Variants in HMHB1 observed in about 807,000 individuals in gnomAD.
HMHB1 encodes the protein histocompatibility minor HB-1.
Under a neutral mutation model 2.4 loss-of-function variants are expected in HMHB1, and 4 were observed. The observed-to-expected ratio is 1.65, with a 90% CI of 0.81 to 3.77. The LOEUF is 3.77. Among genes scored for constraint, HMHB1 ranks in the 30% most tolerant of loss-of-function variants. The probability of loss-of-function intolerance (pLI) is 0.01; values close to 1 mark genes in which losing one functional copy is unlikely to be tolerated. For missense variants in HMHB1, 57 were observed against 44.2 expected, an observed-to-expected ratio of 1.29 and a Z score of -0.82; for synonymous variants, 22 against 17.6, an observed-to-expected ratio of 1.25 and a Z score of -0.63.
At chr5:143,819,253 G>A (rs996883162) in intron 1 of HMHB1, among the ~76,000 whole-genome samples, 1 of 152,166 alleles carries the variant, frequency 6.6e-6, no homozygotes, top group Admixed American at 6.5e-5. Flanking sequence ...GTAGGGAGGA[G>A]CATGGAGTCA....
At chr5:143,820,318 TAAAAAAAAAAAAAAAAAAA>T (rs60960654) in intron 1 of HMHB1, among the ~76,000 whole-genome samples, 143 bp from the exon 2 acceptor site, 1 of 47,564 alleles carries the variant, frequency 2.1e-5, no homozygotes, top group Non-Finnish European at 4.1e-5. Context: ...TCATCATAAG[TAAAAAAAAAAAAAAAAAAA>T]AAAAAAAAAA....
At chr5:143,812,953 T>TTTTG (rs112071292) in intron 1 of HMHB1, among the ~76,000 whole-genome samples, 104,140 of 151,004 alleles carry the variant, frequency 0.69, 36,980 homozygotes, top group East Asian at 0.92. Context: ...CTGTCGTGTT[T>TTTTG]TTTGTTTGTT....
At position 143,820,527 on chromosome 5, in the gene HMHB1, G is replaced by A; in HGVS notation, c.85G>A (p.Val29Met). 6.2e-7 allele frequency: 1 copy of A among 1,613,230 alleles called. No individual in the cohort carries two copies. The highest frequency in any genetic ancestry group is 8.5e-7 in the Non-Finnish European group (1 of 1,179,390). ...GGAATTGGTTGAAGTTGAAGATGAT[G>A]TGTATCTGAGGCACAGCTCTTCCCT... The change falls in exon 2 of 2, where the codon GTG (valine) becomes ATG (methionine). Residue 29 changes from valine (V) to methionine (M), a missense_variant. Coordinates refer to ENST00000289448, the MANE Select transcript of HMHB1 (RefSeq NM_021182.3).
chr5:143,818,103 G>T (rs914145363), intron 1 of HMHB1, among the ~76,000 whole-genome samples: 2 of 152,136 alleles, frequency 1.3e-5, no homozygotes, highest in Non-Finnish European at 2.9e-5. Context: ...TTCAAGGTAG[G>T]ACACATTAGT....
At chr5:143,819,579 A>G (rs2636109) in intron 1 of HMHB1, among the ~76,000 whole-genome samples, 101,945 of 149,306 alleles carry the variant, frequency 0.68, 35,812 homozygotes, top group East Asian at 0.92. Context: ...AGGTTGCAAT[A>G]AGCCAAGATC....
chr5:143,818,428 A>T (rs1387745961), intron 1 of HMHB1, among the ~76,000 whole-genome samples: 1 of 152,242 alleles, frequency 6.6e-6, no homozygotes, highest in African/African-American at 2.4e-5. Flanking sequence ...TTTTAAAGTG[A>T]TACTATACTA....
At chr5:143,816,639 CG>C (rs1486148122) in intron 1 of HMHB1, among the ~76,000 whole-genome samples, 2 of 152,158 alleles carry the variant, frequency 1.3e-5, no homozygotes, top group Non-Finnish European at 2.9e-5. Context: ...TGATTTTGCA[CG>C]TGCAAATTAT....
At chr5:143,818,856 C>A (rs927217027) in intron 1 of HMHB1, among the ~76,000 whole-genome samples, 4 of 152,010 alleles carry the variant, frequency 2.6e-5, no homozygotes, top group Admixed American at 2.6e-4. Context: ...ATGGTTAGAC[C>A]TTCTGTTGCA....
chr5:143,819,472 TA>T (rs374821744), intron 1 of HMHB1, among the ~76,000 whole-genome samples: 92 of 152,114 alleles, frequency 6.0e-4, no homozygotes, highest in African/African-American at 2.1e-3. Context: ...CTGTCTCTTC[TA>T]AAAATACAAA....
intron 1 of HMHB1, among the ~76,000 whole-genome samples, chr5:143,815,097 G>A (rs1759732797): frequency 6.6e-6 from 1 of 152,188 alleles, no homozygotes; most frequent in African/African-American, 2.4e-5. Context: ...AGGGATTAGG[G>A]GTGAAGAGAA....
At chr5:143,815,013 T>C (rs1453112437) in intron 1 of HMHB1, among the ~76,000 whole-genome samples, 1 of 152,202 alleles carries the variant, frequency 6.6e-6, no homozygotes, top group Non-Finnish European at 1.5e-5. Flanking sequence ...AAAATGCAAA[T>C]GTTGCTCTGT....
At position 143,820,501 on chromosome 5, in the gene HMHB1, C is replaced by T. The variant is rs2287660; in HGVS notation, c.59C>T (p.Ser20Leu). Residue 20 changes from serine to leucine, a missense_variant, in exon 2 of 2, where the codon TCG (serine) becomes TTG (leucine). Coordinates refer to ENST00000289448, the MANE Select transcript of HMHB1 (RefSeq NM_021182.3). ...ATAGGTTCTCTGCATGTTTGGAAGT[C>T]GGAATTGGTTGAAGTTGAAGATGAT... 90 of 1,611,722 alleles carry T rather than the reference C, an allele frequency of 5.6e-5. No homozygotes were observed. In the East Asian group the frequency reaches 8.7e-4, roughly 16 times the overall value.
At chr5:143,813,724 A>G (rs1358312398) in intron 1 of HMHB1, among the ~76,000 whole-genome samples, 1 of 152,220 alleles carries the variant, frequency 6.6e-6, no homozygotes, top group African/African-American at 2.4e-5. Flanking sequence ...TTCTTTTGTA[A>G]GGATGTGAAT....
chr5:143,819,148 A>G (rs1159063752), intron 1 of HMHB1, among the ~76,000 whole-genome samples: 3 of 152,160 alleles, frequency 2.0e-5, no homozygotes, highest in Non-Finnish European at 2.9e-5. Flanking sequence ...GGAATTACAC[A>G]ATTCTTGACA....
chr5:143,815,849 G>C (rs1759742753), intron 1 of HMHB1, among the ~76,000 whole-genome samples: 1 of 150,644 alleles, frequency 6.6e-6, no homozygotes, highest in Non-Finnish European at 1.5e-5. Context: ...TGGGACTACA[G>C]GCGCCCGCTA....
intron 1 of HMHB1, among the ~76,000 whole-genome samples, chr5:143,818,725 T>C (rs1395458060): frequency 6.6e-6 from 1 of 152,216 alleles, no homozygotes; most frequent in Non-Finnish European, 1.5e-5. Flanking sequence ...ATTTTTAAAG[T>C]GTTTAGCCAG....
At chr5:143,820,318 T>TTAAAAAAAAAAAAAAAAAA (rs1224094703) in intron 1 of HMHB1, among the ~76,000 whole-genome samples, 162 bp from the exon 2 acceptor site, 2 of 47,564 alleles carry the variant, frequency 4.2e-5, no homozygotes, top group African/African-American at 1.4e-4. Context: ...TCATCATAAG[T>TTAAAAAAAAAAAAAAAAAA]AAAAAAAAAA....
chr5:143,815,407 C>T (rs1358762832), intron 1 of HMHB1, among the ~76,000 whole-genome samples: 1 of 152,186 alleles, frequency 6.6e-6, no homozygotes, highest in Non-Finnish European at 1.5e-5. Flanking sequence ...CATCTTCCGT[C>T]TTTAAAGCTA....
At chr5:143,815,209 A>G (rs1464657452) in intron 1 of HMHB1, among the ~76,000 whole-genome samples, 3 of 152,196 alleles carry the variant, frequency 2.0e-5, no homozygotes, top group Non-Finnish European at 4.4e-5. Flanking sequence ...ATTACCACAA[A>G]TTTAGTAGTT....
Sources: gnomAD v4.1 joint callset for allele counts (sites outside exome capture counted in the v4.1 genomes callset) on GRCh38, gnomAD v4.1.1 for gene constraint, MANE v1.5 for transcripts, NCBI Gene and HGNC (gene_info 2026-07-23, HGNC 2026-07-21) for gene names.